NUFIP2: variants seen among roughly 807,000 people sequenced by gnomAD.
The protein encoded by NUFIP2 is FMR1-interacting protein NUFIP2.
NUFIP2 carries 6 observed loss-of-function variants against 56.9 expected under a neutral mutation model. That is an observed-to-expected ratio of 0.11 (90% confidence interval 0.06 to 0.21). The LOEUF (loss-of-function observed/expected upper bound fraction) is 0.21, where lower values mean the gene tolerates loss of function less well. Among genes scored for constraint, NUFIP2 ranks in the 10% least tolerant of loss-of-function variants. The pLI is 1.00. For missense variants in NUFIP2, 828 were observed against 826.8 expected (o/e 1.00, Z -0.02); for synonymous variants, 321 against 298.2 (o/e 1.08, Z -0.79).
In NUFIP2 at chr17:29,276,888, T is replaced by C. The variant is rs140625670; in HGVS notation, c.2002+9104A>G. Among the ~76,000 whole-genome samples, 554 of 152,300 alleles carry C rather than the reference T, an allele frequency of 3.6e-3. 8 individuals are homozygous for C. Among genetic ancestry groups the C allele is most frequent in the African/African-American group, 0.013 (537 of 41,562 alleles). On this transcript the variant is annotated intron_variant, in intron 2 of 3. Coordinates refer to ENST00000225388, the MANE Select transcript of NUFIP2 (RefSeq NM_020772.3). ...CTTCTGACCTACAAAAACAGCAATT[T>C]CATATAGTCAAACTGAACAGATACA...
chr17:29,273,497 TACACACACAC>T (rs61077728), intron 2 of NUFIP2, among the ~76,000 whole-genome samples: 7,058 of 149,042 alleles, frequency 0.047, 243 homozygotes, highest in African/African-American at 0.1. Context: ...TGCTCTCTTC[TACACACACAC>T]ACACACACAC....
In NUFIP2 at chr17:29,258,715, T is replaced by TC. The variant is rs2068984865; in HGVS notation, c.*5823dup. 1 of 152,170 alleles carries TC rather than the reference T, an allele frequency of 6.6e-6. No homozygotes were observed. Among genetic ancestry groups the TC allele is most frequent in the Non-Finnish European group, 1.5e-5 (1 of 68,016 alleles). The allele number at this position is 152,170 out of a possible 1,614,324, so 9.4% of individuals were successfully genotyped here. A position where few individuals can be genotyped will look rare whatever the true frequency, so the allele number is the denominator to read the frequency against. ...GAATTAGTTACTTGTATTGATTCCC[T>TC]CCCAAAAAGAATTTTATAATTCATT... On this transcript the variant is annotated 3_prime_UTR_variant, in exon 4 of 4. Coordinates refer to ENST00000225388, the MANE Select transcript of NUFIP2 (RefSeq NM_020772.3).
intron 1 of NUFIP2, among the ~76,000 whole-genome samples, chr17:29,292,813 C>A (rs1452981189): frequency 6.7e-6 from 1 of 149,112 alleles, no homozygotes; most frequent in African/African-American, 2.4e-5. Context: ...CAACCGCCCC[C>A]GCCCCTCACC....
At chr17:29,287,835 A>C (rs771340262) in intron 1 of NUFIP2, 119 bp from the exon 2 acceptor site, 2 of 1,000,922 alleles carry the variant, frequency 2.0e-6, no homozygotes, top group Non-Finnish European at 1.4e-6. Flanking sequence ...CTGTAGCTTT[A>C]TATTATTTCA....
intron 3 of NUFIP2, among the ~76,000 whole-genome samples, chr17:29,265,305 AT>A (rs66549012): frequency 0.41 from 55,015 of 135,044 alleles, 10,194 homozygotes; most frequent in East Asian, 0.51. Flanking sequence ...ATTTTATTTT[AT>A]TTTTTTTTTT....
intron 3 of NUFIP2, among the ~76,000 whole-genome samples, chr17:29,265,286 TA>T (rs2069028014): frequency 6.8e-6 from 1 of 147,086 alleles, no homozygotes; most frequent in Non-Finnish European, 1.5e-5. Flanking sequence ...TTTTTATTTT[TA>T]TTTTTTTATT....
rs2069177441 is a variant in NUFIP2 at position 29,286,745 on chromosome 17, C to T, written c.1249G>A (p.Gly417Arg). Residue 417 changes from glycine (G) to arginine (R), a missense_variant, in exon 2 of 4, where the codon GGG becomes AGG. Gly to Arg is a moderately radical substitution (Grantham distance 125, BLOSUM62 -2). Coordinates refer to ENST00000225388, the MANE Select transcript of NUFIP2 (RefSeq NM_020772.3). The part of the protein sequence containing the change: ...KSVTSANFSN[G>R]PVLAGTDGNV... Reference sequence around the variant, plus strand: ...CCATCAGTCCCTGCTAAAACAGGCCCATTAGAAAAGTTGGCAGAAGTAACA... The same window carrying T: ...CCATCAGTCCCTGCTAAAACAGGCCTATTAGAAAAGTTGGCAGAAGTAACA... 6.2e-7 allele frequency: 1 copy of T among 1,614,068 alleles called. No homozygotes were observed. The highest frequency in any genetic ancestry group is 8.5e-7 in the Non-Finnish European group (1 of 1,180,014).
rs1277855164 is a variant in NUFIP2, at chr17:29,256,876, T to C, written c.*7663A>G. On this transcript the variant is annotated 3_prime_UTR_variant, in exon 4 of 4. Transcript: ENST00000225388. ...ATCTTTAAAACAACCAGTGCTTTGA[T>C]CTTACAAACAACTGAATAATTCTAA... The C allele has an allele frequency of 4.6e-5, 7 of 152,222 alleles. No homozygotes were observed. The highest frequency in any genetic ancestry group is 1.7e-4 in the African/African-American group (7 of 41,456). 9.4% of individuals were successfully genotyped at this position (152,222 alleles called of 1,614,324 possible).
chr17:29,265,597 C>T (rs1297254737), intron 3 of NUFIP2, among the ~76,000 whole-genome samples: 28 of 147,578 alleles, frequency 1.9e-4, no homozygotes, highest in Non-Finnish European at 3.4e-4. Context: ...CCACCGCGCC[C>T]GGCCAGGGAA....
Position 29,267,503 on chromosome 17 carries a change from T to C in NUFIP2, c.2030A>G (p.Lys677Arg). ...AGTAATCTAATCATTCTTACCTTGCTTCTGCAAATTCCAAATAGATTCCAT... is the reference window on the plus strand; with the variant it reads ...AGTAATCTAATCATTCTTACCTTGCCTCTGCAAATTCCAAATAGATTCCAT... ...KEMESIWNLQKQDPKRIITYN... is the reference protein window; with the variant it reads ...KEMESIWNLQRQDPKRIITYN... The change falls in exon 3 of 4, where the codon AAG (lysine) becomes AGG (arginine). Residue 677 changes from lysine (K) to arginine (R), a missense_variant. Lys to Arg is a conservative substitution (Grantham distance 26). Transcript: ENST00000225388. The C allele has an allele frequency of 6.5e-7, 1 of 1,528,420 alleles. No homozygotes were observed. Among genetic ancestry groups the C allele is most frequent in the Non-Finnish European group, 9.0e-7 (1 of 1,113,526 alleles). The allele number at this position is 1,528,420 out of a possible 1,614,324, so 94.7% of individuals were successfully genotyped here. A position where few individuals can be genotyped will look rare whatever the true frequency, so the allele number is the denominator to read the frequency against.
intron 2 of NUFIP2, among the ~76,000 whole-genome samples, chr17:29,284,033 C>G (rs1363262116): frequency 1.3e-5 from 2 of 152,180 alleles, no homozygotes; most frequent in African/African-American, 2.4e-5. Flanking sequence ...AGGAAATTTG[C>G]TTAGAAGTCA....
chr17:29,287,018 C>G lies in NUFIP2; in HGVS notation c.976G>C (p.Ala326Pro), dbSNP rs1250952971. 3.7e-6 allele frequency: 6 copies of G among 1,614,066 alleles called. No homozygotes were observed. In the African/African-American group the frequency reaches 6.7e-5, roughly 18 times the overall value. Residue 326 changes from alanine (A) to proline (P), a missense_variant, in exon 2 of 4, where the codon GCT (alanine) becomes CCT (proline). Ala to Pro is a conservative substitution (Grantham distance 27, BLOSUM62 -1). Around this residue, in one of 3 missense-constraint regions of NUFIP2, gnomAD observed 415 missense variants for 408.7 expected, o/e 1.02. Coordinates refer to ENST00000225388, the MANE Select transcript of NUFIP2 (RefSeq NM_020772.3). ...CACGAGTCCTCTTTGGAGGCAACAG[C>G]TGAAGCATGCTTTCCTTTGGGCCGA... ...DDRPKGKHASAVASKEDSWTL... is the reference protein window; with the variant it reads ...DDRPKGKHASPVASKEDSWTL...
rs547298720 is a variant in NUFIP2 at position 29,285,143 on chromosome 17, TA to T, written c.2002+848del. The stretch of plus-strand genomic sequence containing the variant: ...CGGGGAAACCCGTGTCTACTGAAAA[TA>T]CAAAAATTAGCTGGGCGTGGTGGCG... On this transcript the variant is annotated intron_variant, in intron 2 of 3. Coordinates refer to ENST00000225388, the MANE Select transcript of NUFIP2 (RefSeq NM_020772.3). Among the ~76,000 whole-genome samples the T allele has an allele frequency of 2.0e-3, 295 of 150,652 alleles. 1 individual carries two copies. The highest frequency in any genetic ancestry group is 7.0e-3 in the African/African-American group (285 of 40,836).
chr17:29,274,839 C>T (rs117767262), intron 2 of NUFIP2, among the ~76,000 whole-genome samples: 2 of 151,116 alleles, frequency 1.3e-5, no homozygotes. Context: ...AGACAGTATG[C>T]GAGATAGAAA....
intron 2 of NUFIP2, among the ~76,000 whole-genome samples, chr17:29,268,300 T>A (rs1334426974): frequency 6.6e-6 from 1 of 152,200 alleles, no homozygotes; most frequent in Non-Finnish European, 1.5e-5. Flanking sequence ...GCAAGACACA[T>A]GCTACAGATA....
chr17:29,271,301 G>A (rs1034793968), intron 2 of NUFIP2, among the ~76,000 whole-genome samples: 3 of 152,114 alleles, frequency 2.0e-5, no homozygotes, highest in African/African-American at 7.2e-5. Flanking sequence ...CACTTTGGGA[G>A]GCCGAGGCAG....
intron 3 of NUFIP2, among the ~76,000 whole-genome samples, chr17:29,266,761 G>GA (rs542902593): frequency 4.9e-4 from 74 of 151,350 alleles, no homozygotes; most frequent in African/African-American, 1.6e-3. Context: ...ACCAGGAGGG[G>GA]AAAAAAATCA....
intron 1 of NUFIP2, among the ~76,000 whole-genome samples, chr17:29,293,396 C>A (rs375333592): frequency 4.5e-4 from 69 of 152,224 alleles, no homozygotes; most frequent in African/African-American, 1.6e-3. Context: ...CTGAGTTACA[C>A]CTCGAGGGAT....
rs1305829092 is a variant in NUFIP2, at chr17:29,261,916, G to A, written c.*2623C>T. ...AGTGGAGAAATCAAAGTGAAATGTT[G>A]CATTGTTTCATTTAGAAGTGAGACT... On this transcript the variant is annotated 3_prime_UTR_variant, in exon 4 of 4. Coordinates refer to ENST00000225388, the MANE Select transcript of NUFIP2 (RefSeq NM_020772.3). 1 of 152,490 alleles carries A rather than the reference G, an allele frequency of 6.6e-6. No individual in the cohort carries two copies. Among genetic ancestry groups the A allele is most frequent in the Non-Finnish European group, 1.5e-5 (1 of 68,004 alleles). The allele number at this position is 152,490 out of a possible 1,614,324, so 9.4% of individuals were successfully genotyped here.
Sources: gnomAD v4.1 joint callset for allele counts (sites outside exome capture counted in the v4.1 genomes callset) on GRCh38, gnomAD v4.1.1 for gene constraint, gnomAD v4.1.1 regional missense constraint, MANE v1.5 for transcripts, NCBI Gene and HGNC (gene_info 2026-07-23, HGNC 2026-07-21) for gene names.